ADK: variants seen among roughly 807,000 people sequenced by gnomAD.
ADK encodes N6,N6-dimethyladenosine kinase.
ADK carries 24 observed loss-of-function variants against 44.7 expected under a neutral mutation model. The ratio of observed to expected loss-of-function variants is 0.54; its 90% CI spans 0.39 to 0.76. The LOEUF (loss-of-function observed/expected upper bound fraction) is 0.76. Ranked by LOEUF, ADK falls within the 30% of genes least tolerant of loss-of-function variation. ADK has a pLI of 0.00. For synonymous variants in ADK, 128 were observed against 142.6 expected (o/e 0.90, Z 0.73); for missense variants, 321 against 425.1 (o/e 0.76, Z 2.15).
chr10:74,289,986 G>C (rs1263498060), intron 3 of ADK, among the ~76,000 whole-genome samples: 3 of 151,790 alleles, frequency 2.0e-5, no homozygotes, highest in Admixed American at 2.0e-4. Flanking sequence ...AGTAAATTAG[G>C]ATTCTTTGTT....
intron 9 of ADK, 96 bp from the exon 10 acceptor site, chr10:74,670,087 T>C: frequency 6.3e-6 from 6 of 946,146 alleles, no homozygotes; most frequent in Non-Finnish European, 8.6e-6. Context: ...TCTCTTTGAA[T>C]GATGAGTGAT....
At chr10:74,276,258 T>C (rs1370701323) in intron 3 of ADK, among the ~76,000 whole-genome samples, 1 of 152,194 alleles carries the variant, frequency 6.6e-6, no homozygotes, top group Non-Finnish European at 1.5e-5. Context: ...TTCCCCTGTT[T>C]GAAGACAGAG....
chr10:74,419,899 A>G (rs1453051533), intron 6 of ADK, among the ~76,000 whole-genome samples: 1 of 152,218 alleles, frequency 6.6e-6, no homozygotes, highest in African/African-American at 2.4e-5. Flanking sequence ...TGCTTCCATT[A>G]GAAGAGTTTT....
At chr10:74,235,402 A>T (rs978385937) in intron 3 of ADK, among the ~76,000 whole-genome samples, 1 of 152,076 alleles carries the variant, frequency 6.6e-6, no homozygotes, top group African/African-American at 2.4e-5. Context: ...TGGCATGATC[A>T]TAGTGATCGT....
chr10:74,694,477 G>T (rs1003120752), intron 10 of ADK, among the ~76,000 whole-genome samples: 20 of 151,926 alleles, frequency 1.3e-4, no homozygotes, highest in African/African-American at 4.8e-4. Context: ...GGGTTTTGGG[G>T]TTTTTTGTTT....
intron 4 of ADK, among the ~76,000 whole-genome samples, chr10:74,335,258 A>G (rs1239218618): frequency 2.0e-5 from 3 of 151,974 alleles, no homozygotes; most frequent in East Asian, 3.9e-4. Flanking sequence ...ATTTTATTTT[A>G]TTTATTTATT....
intron 2 of ADK, among the ~76,000 whole-genome samples, chr10:74,212,788 C>T (rs182021448): frequency 2.6e-5 from 4 of 152,132 alleles, no homozygotes; most frequent in East Asian, 1.9e-4. Context: ...AAACCTGTTG[C>T]GAGATGATGA....
intron 3 of ADK, among the ~76,000 whole-genome samples, chr10:74,305,013 A>G (rs1349039860): frequency 6.6e-6 from 1 of 152,212 alleles, no homozygotes; most frequent in East Asian, 1.9e-4. Flanking sequence ...TCCCTGATAT[A>G]AAATTCTGTG....
At chr10:74,471,313 A>G (rs111964699) in intron 6 of ADK, among the ~76,000 whole-genome samples, 4,756 of 152,176 alleles carry the variant, frequency 0.031, 218 homozygotes, top group African/African-American at 0.096. Flanking sequence ...TGACCTCGTG[A>G]TCCACCTGCC....
At chr10:74,325,054 G>C (rs1344902357) in intron 4 of ADK, among the ~76,000 whole-genome samples, 1 of 151,918 alleles carries the variant, frequency 6.6e-6, no homozygotes, top group Non-Finnish European at 1.5e-5. Context: ...ATTTGAGAGG[G>C]TTTACTTTGA....
chr10:74,639,442 TAAAC>T (rs1319273154), intron 9 of ADK, among the ~76,000 whole-genome samples: 2 of 152,162 alleles, frequency 1.3e-5, no homozygotes, highest in Admixed American at 6.5e-5. Context: ...ACATGAAAAA[TAAAC>T]TAACACAGTG....
At chr10:74,543,812 A>C (rs1191943503) in intron 7 of ADK, among the ~76,000 whole-genome samples, 3 of 152,198 alleles carry the variant, frequency 2.0e-5, no homozygotes, top group Non-Finnish European at 4.4e-5. Context: ...AAGAACTAAA[A>C]AGTGATCATT....
At chr10:74,362,828 A>T (rs1341556378) in intron 4 of ADK, among the ~76,000 whole-genome samples, 1 of 152,218 alleles carries the variant, frequency 6.6e-6, no homozygotes, top group African/African-American at 2.4e-5. Flanking sequence ...ACCAAGGTTG[A>T]CACAGCTTTC....
At chr10:74,178,282 T>C (rs7093532) in intron 1 of ADK, among the ~76,000 whole-genome samples, 77,192 of 151,942 alleles carry the variant, frequency 0.51, 20,627 homozygotes, top group Non-Finnish European at 0.6. Context: ...AAAGTACTTA[T>C]CTCATTATGC....
chr10:74,598,434 CTTAT>C (rs1851999676), intron 8 of ADK, among the ~76,000 whole-genome samples: 1 of 125,118 alleles, frequency 8.0e-6, no homozygotes, highest in African/African-American at 3.0e-5. Context: ...ACCATGGAAT[CTTAT>C]TCCTTTTTTT....
At chr10:74,589,397 T>A in intron 8 of ADK, 80 bp downstream of exon 8, 1 of 1,412,208 alleles carries the variant, frequency 7.1e-7, no homozygotes, top group Non-Finnish European at 1.0e-6. Flanking sequence ...TGGACAGTGA[T>A]TGATGTGCTA....
intron 1 of ADK, among the ~76,000 whole-genome samples, chr10:74,183,701 G>C (rs969859200): frequency 1.3e-5 from 2 of 151,574 alleles, no homozygotes; most frequent in Admixed American, 6.6e-5. Flanking sequence ...GTAGAGATGG[G>C]GTTTCTCCAT....
rs561979931 is a variant in ADK, at chr10:74,321,203, G to A, written c.273+6458G>A. ...AATTTTAAATACCATCTTATCCTTTGTTAACTGGAATATAAGCAGGTAATC... is the reference window on the plus strand; with the variant it reads ...AATTTTAAATACCATCTTATCCTTTATTAACTGGAATATAAGCAGGTAATC... On this transcript the variant is annotated intron_variant, in intron 4 of 10. Coordinates refer to ENST00000539909, the MANE Select transcript of ADK (RefSeq NM_006721.4). 3.3e-5 allele frequency among the ~76,000 whole-genome samples: 5 copies of A among 151,938 alleles called. No homozygotes were observed. In the South Asian group the frequency reaches 1.0e-3, roughly 32 times the overall value.
chr10:74,283,917 T>C (rs12569670), intron 3 of ADK, among the ~76,000 whole-genome samples: 1 of 151,996 alleles, frequency 6.6e-6, no homozygotes, highest in Admixed American at 6.6e-5. Flanking sequence ...CCTGACCTTG[T>C]GATCCGCCTG....
Sources: gnomAD v4.1 joint callset for allele counts (sites outside exome capture counted in the v4.1 genomes callset) on GRCh38, gnomAD v4.1.1 for gene constraint, MANE v1.5 for transcripts, NCBI Gene and HGNC (gene_info 2026-07-23, HGNC 2026-07-21) for gene names.